Variants in SHISA9 observed in about 807,000 individuals in gnomAD.
SHISA9 encodes shisa family member 9.
A neutral mutation model predicts 38.0 loss-of-function variants in SHISA9; 13 were observed. The observed-to-expected ratio is 0.34, with a 90% confidence interval of 0.22 to 0.54. The LOEUF (loss-of-function observed/expected upper bound fraction) is 0.54, where lower values mean the gene tolerates loss of function less well. Ranked by LOEUF, SHISA9 falls within the 20% of genes least tolerant of loss-of-function variation. SHISA9 has a pLI of 0.91. For missense variants in SHISA9, 538 were observed against 575.8 expected, an observed-to-expected ratio of 0.93 and a Z score of 0.67; for synonymous variants, 275 against 242.0, an observed-to-expected ratio of 1.14 and a Z score of -1.27.
At chr16:13,370,395 C>T in the SHISA9 span, among the ~76,000 whole-genome samples, 1 of 152,102 alleles carries the variant, frequency 6.6e-6, no homozygotes, top group African/African-American at 2.4e-5. Flanking sequence ...ATGCCTTGGC[C>T]CAAAGACACA....
chr16:13,510,639 T>C, the SHISA9 span, among the ~76,000 whole-genome samples: 1 of 152,180 alleles, frequency 6.6e-6, no homozygotes, highest in Admixed American at 6.5e-5. Flanking sequence ...TTCCTTGCAG[T>C]TTTTTCCAGG....
chr16:12,904,623 C>G (rs956147185), intron 1 of SHISA9, among the ~76,000 whole-genome samples: 2 of 152,132 alleles, frequency 1.3e-5, no homozygotes, highest in Middle Eastern at 3.2e-3. Flanking sequence ...GGACCCAGTC[C>G]TAGGGTACCA....
chr16:13,426,130 G>A, the SHISA9 span, among the ~76,000 whole-genome samples: 2 of 152,138 alleles, frequency 1.3e-5, no homozygotes, highest in African/African-American at 4.8e-5. Context: ...CTTCTGCGGA[G>A]AGTTTGGCAG....
At chr16:13,398,502 A>ATTTT in the SHISA9 span, among the ~76,000 whole-genome samples, 3,115 of 140,254 alleles carry the variant, frequency 0.022, 122 homozygotes, top group African/African-American at 0.078. Context: ...TTTATTCACC[A>ATTTT]TTTTTTTTTT....
At chr16:13,456,437 C>A in the SHISA9 span, among the ~76,000 whole-genome samples, 2 of 152,162 alleles carry the variant, frequency 1.3e-5, no homozygotes, top group African/African-American at 4.8e-5. Flanking sequence ...ATATTTTGGA[C>A]AGAGAAATGA....
chr16:13,102,703 G>T (rs182208149), intron 2 of SHISA9, among the ~76,000 whole-genome samples: 1 of 152,078 alleles, frequency 6.6e-6, no homozygotes, highest in African/African-American at 2.4e-5. Context: ...TTTCTCTGCC[G>T]CTATAATGCT....
the SHISA9 span, among the ~76,000 whole-genome samples, chr16:13,366,410 G>A: frequency 2.0e-5 from 3 of 152,122 alleles, no homozygotes; most frequent in Non-Finnish European, 4.4e-5. Flanking sequence ...ACTTTATTGT[G>A]CATACAGATC....
the SHISA9 span, among the ~76,000 whole-genome samples, chr16:13,510,200 C>T: frequency 1.1e-4 from 16 of 152,130 alleles, no homozygotes; most frequent in South Asian, 1.2e-3. Context: ...CCCAGCTACA[C>T]GGGAGGCTGA....
chr16:13,197,166 G>T lies in SHISA9; in HGVS notation c.692-6228G>T, dbSNP rs560143053. On this transcript the variant is annotated intron_variant, in intron 2 of 4. Transcript: ENST00000558583. The stretch of plus-strand genomic sequence containing the variant: ...ATGTGTATATATATATAGAGAGAGA[G>T]AGAGAGAGAGAGAGATAACATGAGA... 6.6e-3 allele frequency among the ~76,000 whole-genome samples: 965 copies of T among 145,942 alleles called. 5 individuals carry two copies. The highest frequency in any genetic ancestry group is 0.019 in the African/African-American group (758 of 40,330).
chr16:13,113,319 T>G (rs548045285), intron 2 of SHISA9, among the ~76,000 whole-genome samples: 2 of 151,974 alleles, frequency 1.3e-5, no homozygotes, highest in African/African-American at 4.8e-5. Flanking sequence ...TGGTAATGGC[T>G]CCCTCAAGGG....
At chr16:13,442,230 A>G in the SHISA9 span, among the ~76,000 whole-genome samples, 2 of 152,358 alleles carry the variant, frequency 1.3e-5, no homozygotes, top group African/African-American at 2.4e-5. Flanking sequence ...AACAAAATAA[A>G]TCTTTTTCCA....
At chr16:13,445,910 T>G in the SHISA9 span, among the ~76,000 whole-genome samples, 2 of 152,148 alleles carry the variant, frequency 1.3e-5, no homozygotes, top group South Asian at 2.1e-4. Flanking sequence ...TTGCCCTCAT[T>G]TGAGAGTCAA....
Position 13,225,649 on chromosome 16 carries a change from T to C in SHISA9, c.896-9381T>C, listed in dbSNP as rs148404199. 1.3e-4 allele frequency among the ~76,000 whole-genome samples: 20 copies of C among 152,246 alleles called. No individual in the cohort carries two copies. The East Asian group carries it at 3.9e-3, about 29-fold the overall frequency. ...AGAATGAGTGGTAGGAACCCCTCCC[T>C]AAGATATCTTTGCCTCAAGGAAAGG... On this transcript the variant is annotated intron_variant, in intron 4 of 4. Transcript: ENST00000558583.
At chr16:13,199,295 T>G (rs2050981284) in intron 2 of SHISA9, among the ~76,000 whole-genome samples, 1 of 152,178 alleles carries the variant, frequency 6.6e-6, no homozygotes, top group Admixed American at 6.5e-5. Flanking sequence ...AGACATTAGT[T>G]AGCTTACTAA....
Position 12,951,879 on chromosome 16 carries a change from T to C in SHISA9, c.691+35064T>C, listed in dbSNP as rs145567112. Among the ~76,000 whole-genome samples, 381 of 152,318 alleles carry C rather than the reference T, an allele frequency of 2.5e-3. 1 individual carries two copies. Among genetic ancestry groups the C allele is most frequent in the Admixed American group, 4.1e-3 (63 of 15,300 alleles). ...ACACTCCTGCCTCAGAGGCTGAAGA[T>C]GGAGAAATATGCAGGAGGACAAACA... On this transcript the variant is annotated intron_variant, in intron 2 of 4. Transcript: ENST00000558583.
At chr16:13,507,065 C>G in the SHISA9 span, among the ~76,000 whole-genome samples, 2 of 151,444 alleles carry the variant, frequency 1.3e-5, no homozygotes, top group African/African-American at 4.9e-5. Flanking sequence ...GCAACAACCA[C>G]CATGTATATA....
the SHISA9 span, among the ~76,000 whole-genome samples, chr16:13,510,761 G>C: frequency 6.6e-6 from 1 of 151,230 alleles, no homozygotes; most frequent in Admixed American, 6.6e-5. Context: ...ATTCTGTGTA[G>C]TTTATTGTTG....
chr16:13,535,730 A>G, the SHISA9 span, among the ~76,000 whole-genome samples: 5 of 152,042 alleles, frequency 3.3e-5, no homozygotes, highest in Admixed American at 6.6e-5. Flanking sequence ...TTCTTCCATA[A>G]TTTTCCTTCT....
At chr16:13,469,029 G>A in the SHISA9 span, among the ~76,000 whole-genome samples, 1 of 151,810 alleles carries the variant, frequency 6.6e-6, no homozygotes, top group East Asian at 1.9e-4. Flanking sequence ...GATCATTTGA[G>A]GTCAGGAGTT....
Sources: allele counts gnomAD v4.1 joint callset (sites outside exome capture counted in the v4.1 genomes callset), GRCh38; gene constraint gnomAD v4.1.1; transcripts MANE v1.5; gene names NCBI Gene and HGNC (gene_info 2026-07-23, HGNC 2026-07-21).